Variants in ABLIM1 observed in about 807,000 individuals in gnomAD.
ABLIM1 encodes the protein actin binding LIM protein 1.
Under a neutral mutation model 107.0 loss-of-function variants are expected in ABLIM1, and 40 were observed. The observed-to-expected ratio is 0.37, with a 90% CI of 0.29 to 0.49. The LOEUF (loss-of-function observed/expected upper bound fraction) is 0.49, where lower values mean the gene tolerates loss of function less well. Ranked by LOEUF, ABLIM1 falls within the 20% of genes least tolerant of loss-of-function variation. The pLI is 0.97. For synonymous variants in ABLIM1, 357 were observed against 357.3 expected, an observed-to-expected ratio of 1.00 and a Z score of 0.01; for missense variants, 857 against 1,008.5, an observed-to-expected ratio of 0.85 and a Z score of 2.04.
intron 1 of ABLIM1, among the ~76,000 whole-genome samples, chr10:114,691,575 A>C (rs978903552): frequency 7.9e-5 from 12 of 152,206 alleles, no homozygotes; most frequent in Non-Finnish European, 1.6e-4. Context: ...TGATGCAAAT[A>C]AGTTGCAGGA....
At chr10:114,558,281 T>C (rs1452258886) in intron 4 of ABLIM1, among the ~76,000 whole-genome samples, 1 of 152,164 alleles carries the variant, frequency 6.6e-6, no homozygotes, top group East Asian at 1.9e-4. Flanking sequence ...TCCTTTCCTC[T>C]GGATTAACTG....
At chr10:114,497,681 C>CAAAAAAAAAAAAAAA (rs576676119) in intron 6 of ABLIM1, among the ~76,000 whole-genome samples, 1 of 75,590 alleles carries the variant, frequency 1.3e-5, no homozygotes, top group Non-Finnish European at 2.5e-5. Flanking sequence ...GATTCTGTCT[C>CAAAAAAAAAAAAAAA]AAAAAAAAAA....
intron 1 of ABLIM1, among the ~76,000 whole-genome samples, chr10:114,745,591 C>G (rs142802727): frequency 1.3e-5 from 2 of 151,840 alleles, no homozygotes; most frequent in Non-Finnish European, 2.9e-5. Flanking sequence ...CCTAATTGGC[C>G]GGGCACAGTG....
At chr10:114,794,227 G>A in the ABLIM1 span, among the ~76,000 whole-genome samples, 5 of 152,108 alleles carry the variant, frequency 3.3e-5, no homozygotes, top group Non-Finnish European at 5.9e-5. Context: ...ATTCGTGTTC[G>A]CTATCCTCTT....
chr10:114,721,013 C>T (rs766562424), intron 1 of ABLIM1, among the ~76,000 whole-genome samples: 4 of 152,202 alleles, frequency 2.6e-5, no homozygotes, highest in South Asian at 2.1e-4. Flanking sequence ...GGTCAGCACA[C>T]CTGGTAAATC....
intron 1 of ABLIM1, among the ~76,000 whole-genome samples, chr10:114,759,224 A>G (rs1042809368): frequency 3.3e-5 from 5 of 152,248 alleles, no homozygotes; most frequent in Admixed American, 2.6e-4. Context: ...GTAAATGCAA[A>G]TTAGATAATT....
intron 1 of ABLIM1, among the ~76,000 whole-genome samples, chr10:114,704,302 C>CTCTCTCTCTCTCTATATATATATA (rs1380460034): frequency 2.3e-5 from 1 of 43,088 alleles, no homozygotes; most frequent in Non-Finnish European, 4.7e-5. Flanking sequence ...CTCTCTCTCT[C>CTCTCTCTCTCTCTATATATATATA]TATATATATA....
At chr10:114,461,205 G>A (rs1453219387) in intron 12 of ABLIM1, among the ~76,000 whole-genome samples, 1 of 151,426 alleles carries the variant, frequency 6.6e-6, no homozygotes, top group Non-Finnish European at 1.5e-5. Context: ...TGGGACTTCA[G>A]GCACGCACCA....
chr10:114,689,670 T>C (rs144987259), upstream of ABLIM1, among the ~76,000 whole-genome samples: 1 of 152,190 alleles, frequency 6.6e-6, no homozygotes, highest in African/African-American at 2.4e-5. Flanking sequence ...CCGCACTTTT[T>C]CTGTTAATTC....
At chr10:114,614,427 A>G (rs1208385886) in intron 1 of ABLIM1, among the ~76,000 whole-genome samples, 2 of 151,996 alleles carry the variant, frequency 1.3e-5, no homozygotes, top group Non-Finnish European at 2.9e-5. Context: ...CACCTTATTA[A>G]TGCATGCCAT....
intron 9 of ABLIM1, 52 bp from the exon 10 acceptor site, chr10:114,473,184 G>C: frequency 6.5e-7 from 1 of 1,529,578 alleles, no homozygotes; most frequent in Non-Finnish European, 8.8e-7. Context: ...ACTGCTTTAG[G>C]AAACTGTAGT....
At chr10:114,732,146 G>C (rs1343833886) in intron 1 of ABLIM1, among the ~76,000 whole-genome samples, 1 of 148,432 alleles carries the variant, frequency 6.7e-6, no homozygotes, top group Non-Finnish European at 1.5e-5. Context: ...GATATCTTTT[G>C]GGTTTGATTT....
chr10:114,601,780 C>T (rs1032925533), intron 2 of ABLIM1, 47 bp downstream of exon 2: 11 of 1,613,962 alleles, frequency 6.8e-6, no homozygotes, highest in African/African-American at 6.7e-5. Context: ...CCAAGGCAAG[C>T]CCCGACCATG....
upstream of ABLIM1, among the ~76,000 whole-genome samples, chr10:114,768,675 C>T (rs2082964171): frequency 6.6e-6 from 1 of 151,788 alleles, no homozygotes; most frequent in Non-Finnish European, 1.5e-5. Flanking sequence ...TGGGATGGGG[C>T]GGGACTTTTC....
chr10:114,474,622 T>C (rs1304386311), intron 8 of ABLIM1, among the ~76,000 whole-genome samples: 2 of 152,132 alleles, frequency 1.3e-5, no homozygotes, highest in Admixed American at 6.5e-5. Flanking sequence ...CCTCGTGATC[T>C]GCCCGCCTCC....
chr10:114,541,411 G>A (rs1223747158), intron 6 of ABLIM1, among the ~76,000 whole-genome samples: 1 of 152,014 alleles, frequency 6.6e-6, no homozygotes, highest in Non-Finnish European at 1.5e-5. Context: ...AAAACCCCAA[G>A]GTTCACAGTA....
At chr10:114,680,273 T>C (rs2080687903) in intron 1 of ABLIM1, among the ~76,000 whole-genome samples, 1 of 152,178 alleles carries the variant, frequency 6.6e-6, no homozygotes, top group Non-Finnish European at 1.5e-5. Flanking sequence ...GTTATCTCTA[T>C]TTTACAGATG....
Position 114,634,129 on chromosome 10 carries a change from C to CTT in ABLIM1, c.244+23826_244+23827dup, listed in dbSNP as rs745875295. On this transcript the variant is annotated intron_variant, in intron 1 of 22. Transcript: ENST00000533213. ...CGTAAATGCCATTAGCTCAATTTTT[C>CTT]TTTTTTTTTTTTTTTTTTTTTGAGA... Among the ~76,000 whole-genome samples the CTT allele has an allele frequency of 2.8e-3, 194 of 68,280 alleles. 23 individuals carry two copies. Among genetic ancestry groups the CTT allele is most frequent in the African/African-American group, 8.8e-3 (138 of 15,666 alleles). The allele number at this position is 68,280 out of a possible 152,430, so 44.8% of individuals were successfully genotyped here. A position where few individuals can be genotyped will look rare whatever the true frequency, so the allele number is the denominator to read the frequency against.
intron 1 of ABLIM1, among the ~76,000 whole-genome samples, chr10:114,743,315 AGAGT>A (rs1221907612): frequency 1.3e-5 from 2 of 152,202 alleles, no homozygotes; most frequent in Non-Finnish European, 2.9e-5. Flanking sequence ...AAGAACTCTC[AGAGT>A]AAGTAACTCA....
Sources: gnomAD v4.1 joint callset for allele counts (sites outside exome capture counted in the v4.1 genomes callset) on GRCh38, gnomAD v4.1.1 for gene constraint, MANE v1.5 for transcripts, NCBI Gene and HGNC (gene_info 2026-07-23, HGNC 2026-07-21) for gene names.